Variants in INPP5K observed in about 807,000 individuals in gnomAD.
The protein encoded by INPP5K is inositol polyphosphate-5-phosphatase K.
Under a neutral mutation model 53.5 loss-of-function variants are expected in INPP5K, and 35 were observed. That is an observed-to-expected ratio of 0.65 (90% CI 0.50 to 0.87). INPP5K has a LOEUF of 0.87. Ranked by LOEUF, INPP5K falls within the 40% of genes least tolerant of loss-of-function variation. INPP5K has a pLI of 0.00. For missense variants in INPP5K, 550 were observed against 586.2 expected, an observed-to-expected ratio of 0.94 and a Z score of 0.64; for synonymous variants, 253 against 232.8, an observed-to-expected ratio of 1.09 and a Z score of -0.79.
At position 1,495,242 on chromosome 17, in the gene INPP5K, T is replaced by C. The variant is rs1240197675; in HGVS notation, c.*581A>G. On this transcript the variant is annotated 3_prime_UTR_variant, in exon 12 of 12. Transcript: ENST00000421807. ...ACCCTCATCAACCTGCTCATAACCA[T>C]GGCGTAAGAGCCTGGCTAGAGGGGC... 1 of 152,410 alleles carries C rather than the reference T, an allele frequency of 6.6e-6. No individual in the cohort carries two copies. The highest frequency in any genetic ancestry group is 1.5e-5 in the Non-Finnish European group (1 of 68,204). The allele number at this position is 152,410 out of a possible 1,614,324, so 9.4% of individuals were successfully genotyped here. A position where few individuals can be genotyped will look rare whatever the true frequency, so the allele number is the denominator to read the frequency against.
intron 1 of INPP5K, chr17:1,515,339 G>C: frequency 1.4e-6 from 1 of 727,230 alleles, no homozygotes; most frequent in Non-Finnish European, 1.7e-6. Flanking sequence ...TTCCACCTCA[G>C]CTTACAAGTC....
At position 1,496,158 on chromosome 17, in the gene INPP5K, T is replaced by C; in HGVS notation, c.1192A>G (p.Ile398Val). Residue 398 changes from isoleucine (I) to valine (V), a missense_variant, in exon 11 of 12, where the codon ATC becomes GTC. Transcript: ENST00000421807. The stretch of plus-strand genomic sequence containing the variant: ...GTGGTAGGGATATTGCTGATGTCGA[T>C]GTAAACCTGGAGGGGGATGGACAGG... ...SCSDNLNQVY[I>V]DISNIPTTED... 2 of 1,609,114 alleles carry C rather than the reference T, an allele frequency of 1.2e-6. No homozygotes were observed. Among genetic ancestry groups the C allele is most frequent in the Non-Finnish European group, 1.7e-6 (2 of 1,175,510 alleles).
Position 1,506,172 on chromosome 17 carries a change from C to T in INPP5K, c.776+808G>A, listed in dbSNP as rs147385677. 7.2e-3 allele frequency among the ~76,000 whole-genome samples: 1,092 copies of T among 152,122 alleles called. 13 individuals are homozygous for T. Among genetic ancestry groups the T allele is most frequent in the African/African-American group, 0.024 (1,012 of 41,484 alleles). ...CTGAGTAGCTGGGATTACAGGTGCG[C>T]GCTACCATGCCCAGCTAATTTTTGA... On this transcript the variant is annotated intron_variant, in intron 7 of 11. Transcript: ENST00000421807.
At chr17:1,516,125 A>G (rs1174087234) in intron 1 of INPP5K, 1 of 1,256,490 alleles carries the variant, frequency 8.0e-7, no homozygotes, top group Admixed American at 4.5e-5. Flanking sequence ...TGTGCTGATG[A>G]AAAGTAGGAA....
At chr17:1,503,842 T>G (rs1013052772) in intron 7 of INPP5K, among the ~76,000 whole-genome samples, 1 of 152,322 alleles carries the variant, frequency 6.6e-6, no homozygotes, top group African/African-American at 2.4e-5. Context: ...ATAAGGGAGC[T>G]GGCCTCGTTT....
rs774813663 is a variant in INPP5K, at chr17:1,516,469, C to T, written c.31G>A (p.Gly11Ser). The T allele has an allele frequency of 9.4e-6, 15 of 1,590,398 alleles. No homozygotes were observed. The highest frequency in any genetic ancestry group is 1.3e-5 in the Non-Finnish European group (15 of 1,176,590). Residue 11 changes from glycine (G) to serine (S), a missense_variant, in exon 1 of 12, where the codon GGC (glycine) becomes AGC (serine). Physicochemically the swap from Gly to Ser is moderately conservative, Grantham distance 56 (BLOSUM62 0). Coordinates refer to ENST00000421807, the MANE Select transcript of INPP5K (RefSeq NM_016532.4). MSSRKLSGPK[G>S]RRLSIHVVTW... ...GGGTGCCCTCACCTGAGCCTCCTGC[C>T]TTTCGGCCCGCTCAGCTTCCGCGAG... is the stretch of plus-strand genomic sequence containing the variant.
Position 1,507,008 on chromosome 17 carries a change from C to T in INPP5K, c.748G>A (p.Asp250Asn), listed in dbSNP as rs2075173561. The T allele has an allele frequency of 6.2e-7, 1 of 1,614,012 alleles. No individual in the cohort carries two copies. Among genetic ancestry groups the T allele is most frequent in the South Asian group, 1.1e-5 (1 of 91,074 alleles). ...GTGTCATAGTCGTTGGAGTTCCTAT[C>T]AAACTTGTAGGTGGGCGGGAAGAGT... The part of the protein sequence containing the change: ...RLLFPPTYKF[D>N]RNSNDYDTSE... The change falls in exon 7 of 12, where the codon GAT becomes AAT. Residue 250 changes from aspartate to asparagine, a missense_variant. Asp to Asn is a conservative substitution (Grantham distance 23). Coordinates refer to ENST00000421807, the MANE Select transcript of INPP5K (RefSeq NM_016532.4).
chr17:1,509,000 C>T (rs2075236115), intron 5 of INPP5K, 178 bp downstream of exon 5: 9 of 552,858 alleles, frequency 1.6e-5, no homozygotes, highest in Admixed American at 1.6e-4. Context: ...CAGGCTCACT[C>T]GTGGCGGTCA....
chr17:1,507,181 C>T (rs2075179557), intron 6 of INPP5K, 92 bp from the exon 7 acceptor site: 1 of 893,988 alleles, frequency 1.1e-6, no homozygotes, highest in Admixed American at 2.1e-5. Context: ...CATGCCGTCA[C>T]AAATGGGGCA....
intron 7 of INPP5K, among the ~76,000 whole-genome samples, chr17:1,506,069 G>C (rs542364639): frequency 1.3e-5 from 2 of 152,272 alleles, no homozygotes; most frequent in African/African-American, 4.8e-5. Context: ...TGTCACCCAG[G>C]CTGGAGTGCA....
intron 6 of INPP5K, chr17:1,507,434 T>C (rs1277517439): frequency 7.3e-6 from 2 of 273,298 alleles, no homozygotes; most frequent in Non-Finnish European, 1.4e-5. Flanking sequence ...AAGGGGCACC[T>C]CACCCTCCAA....
chr17:1,510,081 T>C (rs1027391748), intron 3 of INPP5K, among the ~76,000 whole-genome samples: 1 of 152,240 alleles, frequency 6.6e-6, no homozygotes, highest in African/African-American at 2.4e-5. Context: ...TGAAGTTAGA[T>C]CTGGGTTCAA....
In INPP5K at chr17:1,507,099, A is replaced by C. The variant is rs34308535; in HGVS notation, c.667-10T>G. On this transcript the variant is annotated splice_polypyrimidine_tract_variant and intron_variant, in intron 6 of 11. Coordinates refer to ENST00000421807, the MANE Select transcript of INPP5K (RefSeq NM_016532.4). The stretch of plus-strand genomic sequence containing the variant: ...TCTTGGCAATGCTGAGCTGCAGACA[A>C]AGTCATAGTCCCCGTCTCCCAGTAG... 0.12 allele frequency: 192,803 copies of C among 1,610,100 alleles called. 12,018 individuals carry two copies. Among genetic ancestry groups the C allele is most frequent in the Middle Eastern group, 0.15 (910 of 6,006 alleles).
In INPP5K at chr17:1,507,039, G is replaced by GC. The variant is rs2075174697; in HGVS notation, c.716dup (p.Arg240ProfsTer11). The GC allele has an allele frequency of 1.2e-6, 2 of 1,613,926 alleles. No individual in the cohort carries two copies. Among genetic ancestry groups the GC allele is most frequent in the Admixed American group, 3.3e-5 (2 of 59,994 alleles). On this transcript the variant is annotated frameshift_variant, in exon 7 of 12. Transcript: ENST00000421807. LOFTEE classifies it high-confidence loss of function. ...TGTAGGTGGGCGGGAAGAGTAGGCG[G>GC]CCCTCCTGGAACTCCCGGAGCAGCG...
chr17:1,503,631 T>C (rs772363907), intron 7 of INPP5K, among the ~76,000 whole-genome samples: 1 of 151,952 alleles, frequency 6.6e-6, no homozygotes, highest in African/African-American at 2.4e-5. Flanking sequence ...CAGGCGAGAA[T>C]CACTTGAGCC....
chr17:1,514,019 G>T (rs765751545), intron 1 of INPP5K, 40 bp from the exon 2 acceptor site: 14 of 1,447,730 alleles, frequency 9.7e-6, no homozygotes, highest in African/African-American at 1.4e-5. Flanking sequence ...GAGGAAGGAG[G>T]ATAAGATAGT....
chr17:1,498,092 A>G lies in INPP5K; in HGVS notation c.807T>C (p.Asp269=). ...SEKKRKPAWT[D]RILWRLKRQP... ...GCCGCTTCAGCCTCCACAGGATGCG[A>G]TCGGTCCATGCAGGCTTGCGTTTTT... Residue 269 remains aspartate (D), a synonymous_variant, in exon 8 of 12, where the codon GAT becomes GAC. Transcript: ENST00000421807. 6.2e-7 allele frequency: 1 copy of G among 1,613,600 alleles called. No homozygotes were observed. Among genetic ancestry groups the G allele is most frequent in the Non-Finnish European group, 8.5e-7 (1 of 1,179,728 alleles).
At chr17:1,506,450 G>A (rs190594368) in intron 7 of INPP5K, among the ~76,000 whole-genome samples, 15 of 152,282 alleles carry the variant, frequency 9.9e-5, no homozygotes, top group African/African-American at 3.6e-4. Flanking sequence ...CAAAATCAAG[G>A]CCTAAACGCT....
intron 7 of INPP5K, among the ~76,000 whole-genome samples, chr17:1,503,585 G>C (rs1038143959): frequency 6.6e-6 from 1 of 151,986 alleles, no homozygotes; most frequent in Non-Finnish European, 1.5e-5. Flanking sequence ...GCATGGTGGC[G>C]GGTGCCTGTA....
Sources: allele counts gnomAD v4.1 joint callset (sites outside exome capture counted in the v4.1 genomes callset), GRCh38; gene constraint gnomAD v4.1.1; transcripts MANE v1.5; gene names NCBI Gene and HGNC (gene_info 2026-07-23, HGNC 2026-07-21).